Variants in BCAS2 observed in about 807,000 individuals in gnomAD.
BCAS2 encodes BCAS2 pre-mRNA processing factor, also known as pre-mRNA-splicing factor SPF27.
Under a neutral mutation model 35.3 loss-of-function variants are expected in BCAS2, and 34 were observed. The ratio of observed to expected loss-of-function variants is 0.96; its 90% CI spans 0.73 to 1.28. The LOEUF (loss-of-function observed/expected upper bound fraction) is 1.28. Among genes scored for constraint, BCAS2 ranks in the 50% most tolerant of loss-of-function variants. BCAS2 has a pLI of 0.00. For missense variants in BCAS2, 221 were observed against 268.1 expected (o/e 0.82, Z 1.23); for synonymous variants, 75 against 91.6 (o/e 0.82, Z 1.03).
At chr1:114,571,772 C>G (rs1179384246) in intron 4 of BCAS2, among the ~76,000 whole-genome samples, 1 of 152,168 alleles carries the variant, frequency 6.6e-6, no homozygotes, top group African/African-American at 2.4e-5. Context: ...TATACATTCA[C>G]CTTGTCATTC....
At position 114,570,682 on chromosome 1, in the gene BCAS2, T is replaced by C. The variant is rs1228471888; in HGVS notation, c.470+18A>G. ...GGTTCACTTAAACTTCATTCTGTAA[T>C]AGGAAAAAACAATTTACCTTAACTT... On this transcript the variant is annotated intron_variant, in intron 5 of 6. Coordinates refer to ENST00000369541, the MANE Select transcript of BCAS2 (RefSeq NM_005872.3). 7.1e-6 allele frequency: 11 copies of C among 1,544,418 alleles called. No homozygotes were observed. Among genetic ancestry groups the C allele is most frequent in the Non-Finnish European group, 8.9e-6 (10 of 1,128,868 alleles).
chr1:114,576,429 C>T (rs1171600145), intron 3 of BCAS2, among the ~76,000 whole-genome samples: 3 of 135,826 alleles, frequency 2.2e-5, no homozygotes, highest in African/African-American at 8.4e-5. Flanking sequence ...CACCCAGGTA[C>T]GTTTATTATT....
rs537976572 is a variant in BCAS2, at chr1:114,577,426, G to A, written c.187-668C>T. Among the ~76,000 whole-genome samples the A allele has an allele frequency of 2.0e-5, 3 of 152,024 alleles. No homozygotes were observed. In the East Asian group the frequency reaches 5.8e-4, roughly 29 times the overall value. ...TCGCTCTTGTCCCCCAGGCTGGAGCGCAATGGCGCGATCTTGGCTCATCTC... is the reference window on the plus strand; with the variant it reads ...TCGCTCTTGTCCCCCAGGCTGGAGCACAATGGCGCGATCTTGGCTCATCTC... On this transcript the variant is annotated intron_variant, in intron 2 of 6. Coordinates refer to ENST00000369541, the MANE Select transcript of BCAS2 (RefSeq NM_005872.3).
intron 4 of BCAS2, among the ~76,000 whole-genome samples, chr1:114,573,350 T>C (rs12138665): frequency 0.46 from 64,662 of 139,896 alleles, 14,265 homozygotes; most frequent in Middle Eastern, 0.58. Context: ...TTTTTTTTTC[T>C]TTTTTTTGAA....
intron 6 of BCAS2, 70 bp downstream of exon 6, chr1:114,569,922 A>G: frequency 8.2e-7 from 1 of 1,214,252 alleles, no homozygotes; most frequent in South Asian, 1.3e-5. Flanking sequence ...ATGCTATTTG[A>G]ATCATATTAT....
intron 4 of BCAS2, among the ~76,000 whole-genome samples, chr1:114,572,041 A>AT (rs1203373514): frequency 6.6e-6 from 1 of 152,212 alleles, no homozygotes; most frequent in Non-Finnish European, 1.5e-5. Context: ...ATTCCACATC[A>AT]TATCAATTTC....
At chr1:114,576,241 CTCTCTCTATA>C (rs1206796466) in intron 3 of BCAS2, among the ~76,000 whole-genome samples, 1 of 145,252 alleles carries the variant, frequency 6.9e-6, no homozygotes, top group Non-Finnish European at 1.5e-5. Context: ...CTCTCTCTCT[CTCTCTCTATA>C]TATATATATA....
At chr1:114,581,188 A>G in intron 2 of BCAS2, 111 bp downstream of exon 2, 2 of 1,031,176 alleles carry the variant, frequency 1.9e-6, no homozygotes, top group East Asian at 2.4e-5. Context: ...CCTATACAGT[A>G]GGTAAGTAGT....
At chr1:114,568,853 C>T (rs1032113122) in intron 6 of BCAS2, among the ~76,000 whole-genome samples, 6 of 148,714 alleles carry the variant, frequency 4.0e-5, no homozygotes, top group African/African-American at 1.5e-4. Flanking sequence ...GCCTGGAACT[C>T]CTGAGCTCAA....
chr1:114,577,587 G>A (rs1654797716), intron 2 of BCAS2, among the ~76,000 whole-genome samples: 1 of 151,878 alleles, frequency 6.6e-6, no homozygotes, highest in Non-Finnish European at 1.5e-5. Flanking sequence ...GGCTGGTCTC[G>A]AACTCCTGAC....
intron 2 of BCAS2, among the ~76,000 whole-genome samples, chr1:114,579,906 GTTACT>G (rs1001029740): frequency 5.3e-5 from 8 of 151,024 alleles, no homozygotes; most frequent in Non-Finnish European, 1.0e-4. Context: ...ATTTTTTCAT[GTTACT>G]TTAATGTAAA....
In BCAS2 at chr1:114,568,067, C is replaced by T; in HGVS notation, c.*63G>A. ...GAAGATGCTGTTGTCCTTCAAAGTTCATTAAAAGTTCAGATGCCTTTTGTG... is the reference window on the plus strand; with the variant it reads ...GAAGATGCTGTTGTCCTTCAAAGTTTATTAAAAGTTCAGATGCCTTTTGTG... On this transcript the variant is annotated 3_prime_UTR_variant, in exon 7 of 7. Coordinates refer to ENST00000369541, the MANE Select transcript of BCAS2 (RefSeq NM_005872.3). The T allele has an allele frequency of 6.3e-7, 1 of 1,597,946 alleles. No individual in the cohort carries two copies.
intron 5 of BCAS2, 98 bp downstream of exon 5, chr1:114,570,602 T>G (rs887271178): frequency 8.6e-5 from 73 of 846,376 alleles, no homozygotes; most frequent in Non-Finnish European, 1.9e-5. Context: ...TTGTTTACTT[T>G]CATCTGGCTG....
Position 114,575,853 on chromosome 1 carries a change from T to C in BCAS2, c.258-102A>G, listed in dbSNP as rs955800436. 1.9e-4 allele frequency: 239 copies of C among 1,257,980 alleles called. No individual in the cohort carries two copies. The African/African-American group carries it at 3.2e-3, about 17-fold the overall frequency. 77.9% of individuals were successfully genotyped at this position (1,257,980 alleles called of 1,614,324 possible). ...ATGAGTCTCCATATAGTATAAAAAC[T>C]ACAGAAGACTAAGGATGTAAACCTT... is the stretch of plus-strand genomic sequence containing the variant. On this transcript the variant is annotated intron_variant, in intron 3 of 6. Transcript: ENST00000369541.
At position 114,568,033 on chromosome 1, in the gene BCAS2, T is replaced by C; in HGVS notation, c.*97A>G. ...TGATTTCTAAACACTTAAACATCAA[T>C]GGTTTTGGGAAGATGCTGTTGTCCT... On this transcript the variant is annotated 3_prime_UTR_variant, in exon 7 of 7. Transcript: ENST00000369541. The C allele has an allele frequency of 6.7e-7, 1 of 1,484,590 alleles. No individual in the cohort carries two copies. 92.0% of individuals were successfully genotyped at this position (1,484,590 alleles called of 1,614,324 possible). A position where few individuals can be genotyped will look rare whatever the true frequency, so the allele number is the denominator to read the frequency against.
At chr1:114,573,917 T>C (rs546085878) in intron 4 of BCAS2, among the ~76,000 whole-genome samples, 6 of 152,208 alleles carry the variant, frequency 3.9e-5, no homozygotes, top group Non-Finnish European at 5.9e-5. Context: ...GGTTTTGCTT[T>C]ATTTTATATA....
intron 2 of BCAS2, 112 bp downstream of exon 2, chr1:114,581,187 T>G: frequency 9.7e-7 from 1 of 1,028,554 alleles, no homozygotes; most frequent in Non-Finnish European, 1.5e-6. Context: ...ACCTATACAG[T>G]AGGTAAGTAG....
intron 2 of BCAS2, among the ~76,000 whole-genome samples, chr1:114,578,027 C>A (rs1344083208): frequency 6.6e-6 from 1 of 152,032 alleles, no homozygotes; most frequent in East Asian, 1.9e-4. Flanking sequence ...CTCATCTCTA[C>A]TAAAAATACA....
intron 4 of BCAS2, among the ~76,000 whole-genome samples, chr1:114,571,446 C>T (rs1230917115): frequency 1.3e-5 from 2 of 152,098 alleles, no homozygotes; most frequent in African/African-American, 2.4e-5. Context: ...GCCTCAACCT[C>T]CTGGGCTCAA....
Sources: gnomAD v4.1 joint callset for allele counts (sites outside exome capture counted in the v4.1 genomes callset) on GRCh38, gnomAD v4.1.1 for gene constraint, MANE v1.5 for transcripts, NCBI Gene and HGNC (gene_info 2026-07-23, HGNC 2026-07-21) for gene names.